The following PARN variants were observed in gnomAD, a reference collection of about 807,000 sequenced individuals.
PARN encodes the protein poly(A)-specific ribonuclease.
In PARN, 71 loss-of-function variants were observed where a neutral mutation model predicts 102.8. That is an observed-to-expected ratio of 0.69 (90% CI 0.57 to 0.84). PARN has a LOEUF of 0.84. PARN is among the 40% of genes least tolerant of loss of function. The probability of loss-of-function intolerance (pLI) is 0.00; values close to 1 mark genes in which losing one functional copy is unlikely to be tolerated. For missense variants in PARN, 782 were observed against 760.9 expected, an observed-to-expected ratio of 1.03 and a Z score of -0.33; for synonymous variants, 261 against 252.9, an observed-to-expected ratio of 1.03 and a Z score of -0.30.
chr16:14,526,820 G>A (rs975804022), intron 21 of PARN, among the ~76,000 whole-genome samples: 16 of 152,274 alleles, frequency 1.1e-4, no homozygotes, highest in African/African-American at 3.6e-4. Context: ...AGGAGTGGCC[G>A]GGCCTCCCTG....
chr16:14,448,567 C>T (rs945515781), intron 22 of PARN, among the ~76,000 whole-genome samples: 3 of 152,356 alleles, frequency 2.0e-5, no homozygotes, highest in East Asian at 1.9e-4. Context: ...GGATTACAGG[C>T]GTGAGCCACC....
At chr16:14,530,130 A>G (rs1966242214) in intron 21 of PARN, among the ~76,000 whole-genome samples, 1 of 152,180 alleles carries the variant, frequency 6.6e-6, no homozygotes, top group African/African-American at 2.4e-5. Context: ...AGAGCCAAGC[A>G]AGGTGGACAG....
chr16:14,582,813 T>C (rs1213945355), intron 16 of PARN, among the ~76,000 whole-genome samples: 1 of 152,086 alleles, frequency 6.6e-6, no homozygotes, highest in East Asian at 1.9e-4. Flanking sequence ...ACAGAGATGA[T>C]AATCAAACCT....
At chr16:14,624,258 G>C (rs928249949) in intron 5 of PARN, among the ~76,000 whole-genome samples, 1 of 152,138 alleles carries the variant, frequency 6.6e-6, no homozygotes, top group African/African-American at 2.4e-5. Context: ...AGAAACTAAT[G>C]CCCTTGTATG....
intron 21 of PARN, among the ~76,000 whole-genome samples, chr16:14,489,154 A>G (rs1963910557): frequency 6.6e-6 from 1 of 152,226 alleles, no homozygotes; most frequent in African/African-American, 2.4e-5. Flanking sequence ...GAAGATGATC[A>G]GCACAAACTT....
chr16:14,474,777 T>C (rs918907198), intron 22 of PARN, among the ~76,000 whole-genome samples: 3 of 152,168 alleles, frequency 2.0e-5, no homozygotes, highest in Admixed American at 6.5e-5. Flanking sequence ...ATGGCTTCTG[T>C]TGTCTCTAAG....
chr16:14,470,437 G>GATGATTATTATT (rs369121377), intron 22 of PARN, among the ~76,000 whole-genome samples: 17 of 147,158 alleles, frequency 1.2e-4, no homozygotes, highest in African/African-American at 3.7e-4. Context: ...GAGTTTGGAT[G>GATGATTATTATT]ATTATTATTA....
chr16:14,609,207 GTC>G (rs1971370742), intron 7 of PARN, 84 bp from the exon 8 acceptor site: 1 of 660,410 alleles, frequency 1.5e-6, no homozygotes, highest in East Asian at 2.9e-5. Flanking sequence ...ACCAAAAACA[GTC>G]TAACTATAAG....
intron 21 of PARN, among the ~76,000 whole-genome samples, chr16:14,534,463 T>C (rs1966522421): frequency 6.6e-6 from 1 of 152,160 alleles, no homozygotes; most frequent in Non-Finnish European, 1.5e-5. Flanking sequence ...AACTTCAATA[T>C]GCACTAAAAG....
At chr16:14,617,381 T>C (rs1971986973) in intron 6 of PARN, among the ~76,000 whole-genome samples, 1 of 64,844 alleles carries the variant, frequency 1.5e-5, no homozygotes, top group Non-Finnish European at 3.3e-5. Context: ...GAGACTCTTC[T>C]CAAAAAAAAA....
intron 21 of PARN, among the ~76,000 whole-genome samples, chr16:14,544,794 G>C (rs960464150): frequency 6.6e-6 from 1 of 152,086 alleles, no homozygotes; most frequent in Non-Finnish European, 1.5e-5. Context: ...CATGAAAATT[G>C]ACAAGATTAA....
chr16:14,508,447 G>C (rs1219861745), intron 21 of PARN, among the ~76,000 whole-genome samples: 2 of 152,014 alleles, frequency 1.3e-5, no homozygotes, highest in Admixed American at 6.6e-5. Flanking sequence ...TAGCATTCCT[G>C]GACTCAGAAC....
chr16:14,438,047 G>A (rs961951197), intron 23 of PARN, among the ~76,000 whole-genome samples: 5 of 152,160 alleles, frequency 3.3e-5, no homozygotes, highest in South Asian at 2.1e-4. Flanking sequence ...GAACAGGCAC[G>A]TTCTGGGACA....
chr16:14,495,000 G>A (rs1257325564), intron 21 of PARN, among the ~76,000 whole-genome samples: 1 of 152,140 alleles, frequency 6.6e-6, no homozygotes, highest in Non-Finnish European at 1.5e-5. Context: ...GCATGAAGGT[G>A]GTGTGAGCCC....
intron 13 of PARN, among the ~76,000 whole-genome samples, chr16:14,590,734 T>C (rs895846125): frequency 6.6e-6 from 1 of 151,454 alleles, no homozygotes; most frequent in Middle Eastern, 3.5e-3. Context: ...TGTTAAAAGG[T>C]GATAGAGCTG....
chr16:14,459,133 A>G (rs1372237772), intron 22 of PARN, among the ~76,000 whole-genome samples: 2 of 152,214 alleles, frequency 1.3e-5, no homozygotes, highest in Non-Finnish European at 2.9e-5. Context: ...AGCTCTCACA[A>G]CTTCTATTCA....
intron 21 of PARN, among the ~76,000 whole-genome samples, chr16:14,486,117 G>A (rs1361823010): frequency 2.0e-5 from 3 of 152,214 alleles, no homozygotes; most frequent in Admixed American, 2.0e-4. Context: ...CACTCTGGGA[G>A]GCCAAGGCAG....
chr16:14,608,319 C>A lies in PARN; in HGVS notation c.621G>T (p.Gly207=), dbSNP rs964560089. ...NKNLDLEPCT[G]FQRKLIYQTL... ...TCTGATAAATTAGTTTTCTTTGGAA[C>A]CTATAAAAACAAAAGAAAAGGTATT... The change falls in exon 9 of 24, where the codon GGG becomes GGT. Residue 207 remains glycine, a splice_region_variant and synonymous_variant. Transcript: ENST00000437198. 2 of 1,526,182 alleles carry A rather than the reference C, an allele frequency of 1.3e-6. No homozygotes were observed. Among genetic ancestry groups the A allele is most frequent in the Non-Finnish European group, 1.8e-6 (2 of 1,126,448 alleles). The allele number at this position is 1,526,182 out of a possible 1,614,324, so 94.5% of individuals were successfully genotyped here.
intron 18 of PARN, among the ~76,000 whole-genome samples, chr16:14,577,458 C>G (rs886546540): frequency 6.6e-6 from 1 of 151,986 alleles, no homozygotes; most frequent in East Asian, 1.9e-4. Flanking sequence ...CTCAGCCTCC[C>G]GAGTAGCTGG....
Sources: allele counts gnomAD v4.1 joint callset (sites outside exome capture counted in the v4.1 genomes callset), GRCh38; gene constraint gnomAD v4.1.1; transcripts MANE v1.5; gene names NCBI Gene and HGNC (gene_info 2026-07-23, HGNC 2026-07-21).